EYS: variants seen among roughly 807,000 people sequenced by gnomAD.
The protein encoded by EYS is EGF-like photoreceptor maintenance factor.
In EYS, 250 loss-of-function variants were observed where a neutral mutation model predicts 282.1. The observed-to-expected ratio is 0.89, with a 90% CI of 0.80 to 0.98. The LOEUF (loss-of-function observed/expected upper bound fraction) is 0.98, where lower values mean the gene tolerates loss of function less well. Among genes scored for constraint, EYS ranks in the 50% least tolerant of loss-of-function variants. The pLI, the probability that EYS is intolerant of heterozygous loss-of-function variation, is 0.00. For missense variants in EYS, 4,016 were observed against 3,709.0 expected, an observed-to-expected ratio of 1.08 and a Z score of -2.15; for synonymous variants, 1,355 against 1,282.9, an observed-to-expected ratio of 1.06 and a Z score of -1.20.
intron 12 of EYS, among the ~76,000 whole-genome samples, chr6:65,203,174 A>T (rs1046384247): frequency 6.6e-6 from 1 of 152,164 alleles, no homozygotes; most frequent in Non-Finnish European, 1.5e-5. Flanking sequence ...AGTATCATCT[A>T]CTGGCTAGGA....
intron 26 of EYS, among the ~76,000 whole-genome samples, chr6:64,499,582 A>T (rs1776979618): frequency 6.6e-6 from 1 of 151,666 alleles, no homozygotes; most frequent in Non-Finnish European, 1.5e-5. Context: ...TTTTATTTTT[A>T]TTTTTTGGAC....
intron 30 of EYS, among the ~76,000 whole-genome samples, chr6:64,305,489 A>T (rs1769405656): frequency 6.6e-6 from 1 of 152,242 alleles, no homozygotes; most frequent in East Asian, 1.9e-4. Flanking sequence ...ACTTAATTAC[A>T]ATGCTACCTT....
intron 15 of EYS, among the ~76,000 whole-genome samples, chr6:64,931,915 A>G (rs543190036): frequency 4.2e-4 from 64 of 152,256 alleles, no homozygotes; most frequent in African/African-American, 1.4e-3. Flanking sequence ...CTTCTCCCCA[A>G]TAAGATGAAA....
chr6:65,115,581 G>T lies in EYS; in HGVS notation c.2024-57854C>A, dbSNP rs183066220. ...ATATTACATCTTATCTTTTCATTAGGTACATTCATAGCTAAGCCATGCCTT... is the reference window on the plus strand; with the variant it reads ...ATATTACATCTTATCTTTTCATTAGTTACATTCATAGCTAAGCCATGCCTT... On this transcript the variant is annotated intron_variant, in intron 12 of 42. Coordinates refer to ENST00000503581, the MANE Select transcript of EYS (RefSeq NM_001142800.2). 3.2e-3 allele frequency among the ~76,000 whole-genome samples: 487 copies of T among 151,978 alleles called. 2 individuals carry two copies. Among genetic ancestry groups the T allele is most frequent in the Admixed American group, 5.4e-3 (82 of 15,248 alleles).
At chr6:65,360,258 A>C (rs1764651230) in intron 8 of EYS, among the ~76,000 whole-genome samples, 1 of 151,996 alleles carries the variant, frequency 6.6e-6, no homozygotes, top group East Asian at 1.9e-4. Context: ...AAATGTAATG[A>C]TCTTTCAAAA....
At chr6:64,223,076 C>G (rs530829923) in intron 31 of EYS, among the ~76,000 whole-genome samples, 1 of 151,952 alleles carries the variant, frequency 6.6e-6, no homozygotes, top group East Asian at 1.9e-4. Flanking sequence ...GCTTAAATGG[C>G]ATTTCCTCAT....
chr6:64,170,276 A>G (rs1332742258), intron 31 of EYS, among the ~76,000 whole-genome samples: 1 of 152,238 alleles, frequency 6.6e-6, no homozygotes, highest in Non-Finnish European at 1.5e-5. Flanking sequence ...GTCAGAAAGC[A>G]GGGGTTCAAA....
intron 35 of EYS, among the ~76,000 whole-genome samples, chr6:63,875,136 G>T (rs1237448210): frequency 6.6e-6 from 1 of 152,128 alleles, no homozygotes; most frequent in Non-Finnish European, 1.5e-5. Flanking sequence ...ATTATTTTGA[G>T]ATATGTCCCA....
chr6:63,815,609 T>C (rs929829239), intron 36 of EYS, among the ~76,000 whole-genome samples: 18 of 152,230 alleles, frequency 1.2e-4, no homozygotes, highest in Admixed American at 5.2e-4. Context: ...ACATATTAAC[T>C]ACTTTGCAGT....
chr6:65,306,586 C>T (rs1322347443), intron 11 of EYS, among the ~76,000 whole-genome samples: 1 of 151,218 alleles, frequency 6.6e-6, no homozygotes, highest in Non-Finnish European at 1.5e-5. Context: ...GTTTCGTGTT[C>T]CGCATTATTT....
chr6:63,990,662 C>A (rs1767563566), intron 34 of EYS, among the ~76,000 whole-genome samples: 1 of 151,618 alleles, frequency 6.6e-6, no homozygotes, highest in Non-Finnish European at 1.5e-5. Context: ...AAATTCTCAC[C>A]TTCCAGTTTC....
intron 31 of EYS, among the ~76,000 whole-genome samples, chr6:64,139,247 T>C (rs981345246): frequency 2.6e-5 from 4 of 152,232 alleles, no homozygotes; most frequent in East Asian, 1.9e-4. Context: ...TCACCCAATA[T>C]ATGCATTTTC....
chr6:64,039,469 A>C (rs1770283061), intron 33 of EYS, among the ~76,000 whole-genome samples: 2 of 152,286 alleles, frequency 1.3e-5, no homozygotes, highest in East Asian at 3.9e-4. Context: ...TGTTAGAGGG[A>C]TAAATAAAAG....
At chr6:64,351,740 C>T (rs1771648794) in intron 29 of EYS, among the ~76,000 whole-genome samples, 1 of 151,498 alleles carries the variant, frequency 6.6e-6, no homozygotes, top group Admixed American at 6.6e-5. Flanking sequence ...GGAACAAAAG[C>T]CCTGATATTT....
At chr6:64,557,217 TACACACACACACACAC>T (rs3994994) in intron 26 of EYS, among the ~76,000 whole-genome samples, 3 of 147,922 alleles carry the variant, frequency 2.0e-5, no homozygotes, top group African/African-American at 4.9e-5. Flanking sequence ...CACACACACA[TACACACACACACACAC>T]ACACACACAC....
intron 31 of EYS, among the ~76,000 whole-genome samples, chr6:64,135,194 T>C (rs1774118071): frequency 6.6e-6 from 1 of 150,440 alleles, no homozygotes; most frequent in Admixed American, 6.6e-5. Context: ...AGAGAGGGAA[T>C]TCTCAACAGT....
intron 1 of EYS, among the ~76,000 whole-genome samples, chr6:65,643,020 T>C (rs1582555540): frequency 6.6e-6 from 1 of 152,328 alleles, no homozygotes; most frequent in East Asian, 1.9e-4. Context: ...CCAGGAAAGC[T>C]GAGAGAATTA....
chr6:64,478,121 T>C (rs1171031100), intron 26 of EYS, among the ~76,000 whole-genome samples: 1 of 152,076 alleles, frequency 6.6e-6, no homozygotes, highest in Non-Finnish European at 1.5e-5. Flanking sequence ...TACATCAAAA[T>C]TCAACACAGA....
intron 1 of EYS, among the ~76,000 whole-genome samples, chr6:65,654,282 T>C (rs1373680861): frequency 6.6e-6 from 1 of 151,878 alleles, no homozygotes; most frequent in Non-Finnish European, 1.5e-5. Flanking sequence ...TTTGCCTTTC[T>C]GTAATAGTTA....
Sources: gnomAD v4.1 joint callset for allele counts (sites outside exome capture counted in the v4.1 genomes callset) on GRCh38, gnomAD v4.1.1 for gene constraint, MANE v1.5 for transcripts, NCBI Gene and HGNC (gene_info 2026-07-23, HGNC 2026-07-21) for gene names.